Variants in SEC14L1 observed in about 807,000 individuals in gnomAD.
SEC14L1 encodes the protein SEC14 like lipid binding 1, also known as SEC14-like protein 1.
Under a neutral mutation model 85.3 loss-of-function variants are expected in SEC14L1, and 48 were observed. The ratio of observed to expected loss-of-function variants is 0.56; its 90% CI spans 0.45 to 0.72. The LOEUF (loss-of-function observed/expected upper bound fraction) is 0.72, where lower values mean the gene tolerates loss of function less well. SEC14L1 is among the 30% of genes least tolerant of loss of function. The probability of loss-of-function intolerance (pLI) is 0.00; values close to 1 mark genes in which losing one functional copy is unlikely to be tolerated. For missense variants in SEC14L1, 682 were observed against 921.4 expected, an observed-to-expected ratio of 0.74 and a Z score of 3.36; for synonymous variants, 391 against 355.5, an observed-to-expected ratio of 1.10 and a Z score of -1.12.
chr17:77,106,033 C>G (rs1971906161), intron 3 of SEC14L1, among the ~76,000 whole-genome samples: 1 of 151,862 alleles, frequency 6.6e-6, no homozygotes, highest in Non-Finnish European at 1.5e-5. Context: ...GTTCGTCTAC[C>G]TAATTTTGCC....
At chr17:77,205,174 G>A in intron 10 of SEC14L1, 102 bp from the exon 11 acceptor site, 1 of 963,482 alleles carries the variant, frequency 1.0e-6, no homozygotes, top group South Asian at 1.4e-5. Context: ...TGATTTACAT[G>A]CTTATCTGTA....
intron 14 of SEC14L1, 158 bp from the exon 15 acceptor site, chr17:77,211,792 G>A (rs1976763265): frequency 2.2e-6 from 2 of 900,144 alleles, no homozygotes; most frequent in Non-Finnish European, 1.7e-6. Context: ...GGATGGTGGT[G>A]TGTGACTCTG....
chr17:77,129,425 G>A (rs1972548865), intron 3 of SEC14L1, among the ~76,000 whole-genome samples: 1 of 152,150 alleles, frequency 6.6e-6, no homozygotes, highest in African/African-American at 2.4e-5. Flanking sequence ...AGTGTGAAGT[G>A]AGCACATGTG....
At chr17:77,144,338 C>G (rs771553091) in intron 3 of SEC14L1, among the ~76,000 whole-genome samples, 1 of 152,148 alleles carries the variant, frequency 6.6e-6, no homozygotes, top group Non-Finnish European at 1.5e-5. Flanking sequence ...GTGTCACACT[C>G]AGCACACCTG....
intron 3 of SEC14L1, among the ~76,000 whole-genome samples, chr17:77,165,918 A>G (rs920241656): frequency 1.3e-5 from 2 of 152,192 alleles, no homozygotes; most frequent in East Asian, 1.9e-4. Flanking sequence ...GAAAAGATAA[A>G]TGTCAAATGA....
At chr17:77,196,456 T>A in intron 8 of SEC14L1, 145 bp downstream of exon 8, 2 of 594,630 alleles carry the variant, frequency 3.4e-6, no homozygotes, top group Non-Finnish European at 5.9e-6. Context: ...TGAATTTATG[T>A]CTCTGTGGAA....
upstream of SEC14L1, among the ~76,000 whole-genome samples, chr17:77,138,112 C>T (rs147707180): frequency 0.017 from 2,618 of 151,318 alleles, 36 homozygotes; most frequent in South Asian, 0.058. Context: ...AGTTCCTGGG[C>T]GGGGGCCACA....
chr17:77,167,628 A>G (rs1974341778), intron 3 of SEC14L1, among the ~76,000 whole-genome samples: 1 of 152,158 alleles, frequency 6.6e-6, no homozygotes, highest in African/African-American at 2.4e-5. Flanking sequence ...CCTATTATTA[A>G]CATCTTGTGT....
intron 13 of SEC14L1, among the ~76,000 whole-genome samples, chr17:77,207,926 T>C (rs1976549615): frequency 6.6e-6 from 1 of 152,162 alleles, no homozygotes; most frequent in Admixed American, 6.6e-5. Context: ...TGGTGCACAG[T>C]TGTGTCTTGG....
chr17:77,115,072 A>G (rs151029350), intron 3 of SEC14L1, among the ~76,000 whole-genome samples: 29 of 152,222 alleles, frequency 1.9e-4, no homozygotes, highest in Non-Finnish European at 2.6e-4. Flanking sequence ...TAAACTGGGA[A>G]ATGCAAACGT....
intron 14 of SEC14L1, chr17:77,210,757 CTTGT>C (rs1451862442): frequency 6.6e-6 from 1 of 152,230 alleles, no homozygotes; most frequent in Non-Finnish European, 1.5e-5. Flanking sequence ...GTCCTTGTTC[CTTGT>C]TTGTTAGGCA....
chr17:77,155,667 A>T (rs1462477806), intron 3 of SEC14L1, among the ~76,000 whole-genome samples: 1 of 152,228 alleles, frequency 6.6e-6, no homozygotes, highest in African/African-American at 2.4e-5. Flanking sequence ...AGATCGGTAC[A>T]TTGTAAACTT....
At chr17:77,148,834 G>T (rs545632180) in intron 3 of SEC14L1, among the ~76,000 whole-genome samples, 1 of 152,172 alleles carries the variant, frequency 6.6e-6, no homozygotes, top group African/African-American at 2.4e-5. Flanking sequence ...ATCCGTCCTC[G>T]CACGTCTCAG....
chr17:77,203,426 C>A (rs1489743237), intron 9 of SEC14L1, 144 bp from the exon 10 acceptor site: 5 of 673,140 alleles, frequency 7.4e-6, no homozygotes, highest in Non-Finnish European at 1.3e-5. Flanking sequence ...TCACACAAAT[C>A]AGTTGCCACT....
chr17:77,143,592 C>A lies in SEC14L1; in HGVS notation c.-5C>A, dbSNP rs1567891063. ...GTGTGAGAGGGTTGCTGTTGTATTG[C>A]AATCATGGTGCAGAAATACCAGTCC... On this transcript the variant is annotated 5_prime_UTR_variant, in exon 3 of 17. It introduces an in-frame stop codon into an upstream open reading frame of the 5' UTR. Coordinates refer to ENST00000436233, the MANE Select transcript of SEC14L1 (RefSeq NM_001143998.2). 1 of 1,612,394 alleles carries A rather than the reference C, an allele frequency of 6.2e-7. No individual in the cohort carries two copies. Among genetic ancestry groups the A allele is most frequent in the African/African-American group, 1.3e-5 (1 of 75,022 alleles).
chr17:77,143,691 GCTT>G (rs765514952), intron 3 of SEC14L1, 32 bp downstream of exon 3: 2 of 1,483,212 alleles, frequency 1.3e-6, no homozygotes, highest in Non-Finnish European at 1.9e-6. Flanking sequence ...TTACTCTTTG[GCTT>G]CTTATTTATA....
chr17:77,110,898 AAG>A (rs1972030759), intron 3 of SEC14L1, among the ~76,000 whole-genome samples: 1 of 150,288 alleles, frequency 6.7e-6, no homozygotes, highest in Non-Finnish European at 1.5e-5. Context: ...AAAAAAAAAA[AAG>A]AAATACATTG....
intron 3 of SEC14L1, among the ~76,000 whole-genome samples, chr17:77,188,078 T>G (rs775337687): frequency 1.3e-4 from 20 of 152,194 alleles, no homozygotes; most frequent in Non-Finnish European, 2.5e-4. Flanking sequence ...ACAGAGTAAA[T>G]TAAATTATTT....
intron 3 of SEC14L1, among the ~76,000 whole-genome samples, chr17:77,152,350 A>T (rs1346122298): frequency 6.6e-6 from 1 of 152,096 alleles, no homozygotes; most frequent in Non-Finnish European, 1.5e-5. Flanking sequence ...AGCCTAGCCA[A>T]CATGGTGAAA....
Sources: gnomAD v4.1 joint callset for allele counts (sites outside exome capture counted in the v4.1 genomes callset) on GRCh38, gnomAD v4.1.1 for gene constraint, MANE v1.5 for transcripts, NCBI Gene and HGNC (gene_info 2026-07-23, HGNC 2026-07-21) for gene names.